Variants in CDH20 observed in about 807,000 individuals in gnomAD.
The protein encoded by CDH20 is cadherin-20.
CDH20 carries 29 observed loss-of-function variants against 74.2 expected under a neutral mutation model. The observed-to-expected ratio is 0.39, with a 90% CI of 0.29 to 0.53. The LOEUF (loss-of-function observed/expected upper bound fraction) is 0.53, where lower values mean the gene tolerates loss of function less well. CDH20 is among the 20% of genes least tolerant of loss of function. CDH20 has a pLI of 0.69. For synonymous variants in CDH20, 469 were observed against 405.4 expected (o/e 1.16, Z -1.88); for missense variants, 988 against 1,048.3 (o/e 0.94, Z 0.79).
intron 6 of CDH20, among the ~76,000 whole-genome samples, chr18:61,512,081 A>G (rs867126045): frequency 6.6e-6 from 1 of 152,266 alleles, no homozygotes. Context: ...CTTTTGATTT[A>G]TTTCCCTTAG....
intron 1 of CDH20, among the ~76,000 whole-genome samples, chr18:61,442,780 T>C (rs1175657491): frequency 6.6e-6 from 1 of 152,188 alleles, no homozygotes; most frequent in African/African-American, 2.4e-5. Flanking sequence ...AGCAATACTT[T>C]GATTTGACCT....
intron 1 of CDH20, among the ~76,000 whole-genome samples, chr18:61,439,276 T>G (rs1441416790): frequency 6.6e-6 from 1 of 152,154 alleles, no homozygotes; most frequent in Non-Finnish European, 1.5e-5. Context: ...ATTTTAAATG[T>G]TATTTCAAAT....
intron 1 of CDH20, among the ~76,000 whole-genome samples, chr18:61,376,138 A>G (rs1179180449): frequency 2.6e-5 from 4 of 152,056 alleles, no homozygotes; most frequent in African/African-American, 9.7e-5. Context: ...TGAGCCCCCT[A>G]GTAGTCTAGT....
intron 1 of CDH20, among the ~76,000 whole-genome samples, chr18:61,359,707 C>A (rs555040556): frequency 6.6e-6 from 1 of 152,322 alleles, no homozygotes; most frequent in African/African-American, 2.4e-5. Flanking sequence ...TTTGGATATA[C>A]TGACGTGAGT....
chr18:61,348,332 T>C (rs569401933), intron 1 of CDH20, among the ~76,000 whole-genome samples: 1 of 152,326 alleles, frequency 6.6e-6, no homozygotes, highest in Non-Finnish European at 1.5e-5. Flanking sequence ...CCTTAATTAG[T>C]CATAGATTAC....
intron 1 of CDH20, among the ~76,000 whole-genome samples, chr18:61,484,353 G>A (rs1418210349): frequency 6.6e-6 from 1 of 152,174 alleles, no homozygotes; most frequent in East Asian, 1.9e-4. Flanking sequence ...GTGAAAACTG[G>A]AGGAAGGGTA....
chr18:61,336,817 T>TGGGG lies in CDH20; in HGVS notation c.-153+2996_-153+2999dup, dbSNP rs5825438. On this transcript the variant is annotated intron_variant, in intron 1 of 11. Coordinates refer to ENST00000262717, the MANE Select transcript of CDH20 (RefSeq NM_031891.4). Reference sequence around the variant, plus strand: ...GAGAACATAAATCAGCCAGAATATATGGGGGGGGGTGATGAGAATAGGTCT... The same window carrying TGGGG: ...GAGAACATAAATCAGCCAGAATATATGGGGGGGGGGGGGTGATGAGAATAGGTCT... Among the ~76,000 whole-genome samples the TGGGG allele has an allele frequency of 8.4e-5, 12 of 142,540 alleles. No homozygotes were observed. The East Asian group carries it at 1.3e-3, about 15-fold the overall frequency. The allele number at this position is 142,540 out of a possible 152,430, so 93.5% of individuals were successfully genotyped here.
intron 1 of CDH20, among the ~76,000 whole-genome samples, chr18:61,361,849 C>T (rs1435245925): frequency 6.6e-6 from 1 of 152,006 alleles, no homozygotes; most frequent in East Asian, 1.9e-4. Context: ...CCATAAGAAC[C>T]AATGATACAA....
At chr18:61,482,891 G>C (rs1478612388) in intron 1 of CDH20, among the ~76,000 whole-genome samples, 1 of 152,104 alleles carries the variant, frequency 6.6e-6, no homozygotes, top group Admixed American at 6.6e-5. Context: ...CCAGCTCCTA[G>C]CTAGTGGTTT....
chr18:61,528,020 T>A lies in CDH20; in HGVS notation c.1071T>A (p.Asn357Lys). 6.2e-7 allele frequency: 1 copy of A among 1,613,998 alleles called. No individual in the cohort carries two copies. The highest frequency in any genetic ancestry group is 1.1e-5 in the South Asian group (1 of 91,072). ...KSYTLKVEGA[N>K]PHLEMRFLNL... ...ACACCTTAAAGGTGGAGGGAGCCAA[T>A]CCTCACCTAGAGATGCGTTTTCTGA... Residue 357 changes from asparagine (N) to lysine (K), a missense_variant, in exon 7 of 12, where the codon AAT (asparagine) becomes AAA (lysine). Asn to Lys is a moderately conservative substitution (Grantham distance 94). This residue lies in a region of CDH20 where 613 missense variants were observed against 755.2 expected (regional missense o/e 0.81). Transcript: ENST00000262717.
chr18:61,527,373 A>AGATAGATAGATAGATAGATAGAT (rs1555683358), intron 6 of CDH20, among the ~76,000 whole-genome samples: 130 of 124,028 alleles, frequency 1.0e-3, no homozygotes, highest in African/African-American at 1.3e-3. Flanking sequence ...TCTAATAGAT[A>AGATAGATAGATAGATAGATAGAT]GATAGATAGA....
chr18:61,404,200 C>T (rs966095550), intron 1 of CDH20, among the ~76,000 whole-genome samples: 4 of 152,092 alleles, frequency 2.6e-5, no homozygotes, highest in African/African-American at 9.7e-5. Context: ...ACGTCCTGCA[C>T]ATGTATCCTA....
At chr18:61,352,840 C>T (rs752421066) in intron 1 of CDH20, among the ~76,000 whole-genome samples, 7 of 152,194 alleles carry the variant, frequency 4.6e-5, no homozygotes, top group Non-Finnish European at 2.9e-5. Context: ...GGCTTACTCA[C>T]TATTTCACAA....
Position 61,482,848 on chromosome 18 carries a change from G to A in CDH20, c.-152-7554G>A, listed in dbSNP as rs73451484. ...CCTTCAGTTGCTCACTATGAACTAT[G>A]GAGTATATTCCAAATACTTCAATCC... On this transcript the variant is annotated intron_variant, in intron 1 of 11. Coordinates refer to ENST00000262717, the MANE Select transcript of CDH20 (RefSeq NM_031891.4). Among the ~76,000 whole-genome samples the A allele has an allele frequency of 5.9e-3, 899 of 152,042 alleles. 7 individuals carry two copies. The highest frequency in any genetic ancestry group is 0.021 in the African/African-American group (860 of 41,466).
Position 61,522,968 on chromosome 18 carries a change from G to A in CDH20, c.1018-4999G>A, listed in dbSNP as rs7407941. Among the ~76,000 whole-genome samples the A allele has an allele frequency of 5.2e-3, 784 of 152,230 alleles. 31 individuals are homozygous for A. Among genetic ancestry groups the A allele is most frequent in the Admixed American group, 0.047 (715 of 15,298 alleles). ...ACCTAAAACCATAAAAACCCTAGAA[G>A]AAAACTTAGGCAATACCATTCAGGA... On this transcript the variant is annotated intron_variant, in intron 6 of 11. Transcript: ENST00000262717.
intron 1 of CDH20, among the ~76,000 whole-genome samples, chr18:61,465,233 A>G (rs1909920340): frequency 6.6e-6 from 1 of 152,222 alleles, no homozygotes; most frequent in Admixed American, 6.5e-5. Context: ...TACTTTCTAC[A>G]CATATACCCC....
chr18:61,472,880 A>G (rs1910234695), intron 1 of CDH20, among the ~76,000 whole-genome samples: 1 of 152,224 alleles, frequency 6.6e-6, no homozygotes. Flanking sequence ...GCTTCTGAAA[A>G]AGACAAATCT....
At chr18:61,442,583 G>A (rs1456962061) in intron 1 of CDH20, among the ~76,000 whole-genome samples, 3 of 151,998 alleles carry the variant, frequency 2.0e-5, no homozygotes, top group Non-Finnish European at 4.4e-5. Context: ...TACAATTAAG[G>A]CTTCAAACCA....
intron 1 of CDH20, among the ~76,000 whole-genome samples, chr18:61,485,504 C>G (rs1429968112): frequency 1.3e-5 from 2 of 151,970 alleles, no homozygotes; most frequent in South Asian, 2.1e-4. Context: ...AGTTGATGAC[C>G]ACAAAAGAGC....
Sources: gnomAD v4.1 joint callset for allele counts (sites outside exome capture counted in the v4.1 genomes callset) on GRCh38, gnomAD v4.1.1 for gene constraint, gnomAD v4.1.1 regional missense constraint, MANE v1.5 for transcripts, NCBI Gene and HGNC (gene_info 2026-07-23, HGNC 2026-07-21) for gene names.